Variants in MKLN1 observed in about 807,000 individuals in gnomAD.
MKLN1 encodes the protein muskelin.
A neutral mutation model predicts 99.0 loss-of-function variants in MKLN1; 18 were observed. The observed-to-expected ratio is 0.18, with a 90% CI of 0.13 to 0.27. The LOEUF (loss-of-function observed/expected upper bound fraction) is 0.27. Ranked by LOEUF, MKLN1 falls within the 10% of genes least tolerant of loss-of-function variation. The pLI is 1.00. For missense variants in MKLN1, 621 were observed against 875.9 expected (o/e 0.71, Z 3.67); for synonymous variants, 288 against 293.2 (o/e 0.98, Z 0.18).
chr7:131,264,596 A>G (rs1025674767), intron 3 of MKLN1, among the ~76,000 whole-genome samples: 4 of 152,196 alleles, frequency 2.6e-5, no homozygotes, highest in African/African-American at 4.8e-5. Flanking sequence ...TACCCACATC[A>G]GGTAAACTCT....
At position 131,417,562 on chromosome 7, in the gene MKLN1, C is replaced by T. The variant is rs1487029479; in HGVS notation, c.847+2852C>T. ...ACTAACTATACGTGGACATTGAGGTCGAAAGGATTTCACCAGATTCAGGTG... is the reference window on the plus strand; with the variant it reads ...ACTAACTATACGTGGACATTGAGGTTGAAAGGATTTCACCAGATTCAGGTG... On this transcript the variant is annotated intron_variant, in intron 8 of 17. Transcript: ENST00000352689. Among the ~76,000 whole-genome samples the T allele has an allele frequency of 2.0e-5, 3 of 152,054 alleles. No individual in the cohort carries two copies. In the East Asian group the frequency reaches 5.8e-4, roughly 29 times the overall value.
chr7:131,443,597 T>C lies in MKLN1; in HGVS notation c.1290T>C (p.Ala430=), dbSNP rs771629806. The change falls in exon 11 of 18, where the codon GCT becomes GCC. Residue 430 remains alanine, a synonymous_variant. Coordinates refer to ENST00000352689, the MANE Select transcript of MKLN1 (RefSeq NM_013255.5). ...ASEPQFSGLF[A]FNCQCQTWKL... ...AACCACAATTCAGTGGCTTGTTTGC[T>C]TTCAACTGTCAATGTCAAACCTGGA... is the stretch of plus-strand genomic sequence containing the variant. The C allele has an allele frequency of 5.6e-6, 9 of 1,614,194 alleles. No individual in the cohort carries two copies. Among genetic ancestry groups the C allele is most frequent in the African/African-American group, 1.3e-5 (1 of 75,062 alleles).
At position 131,167,724 on chromosome 7, in the gene MKLN1, A is replaced by C. The variant is rs182006964; in HGVS notation, c.-297+24783A>C. Among the ~76,000 whole-genome samples, 128 of 152,198 alleles carry C rather than the reference A, an allele frequency of 8.4e-4. 1 individual carries two copies. Among genetic ancestry groups the C allele is most frequent in the African/African-American group, 3.0e-3 (125 of 41,528 alleles). On this transcript the variant is annotated intron_variant, in intron 2 of 7. Coordinates refer to the MKLN1 transcript ENST00000416992. ...GAAAACACACAGAAAAATGTATACTAATGTGATATTTATGATATCAAGAAA... is the reference window on the plus strand; with the variant it reads ...GAAAACACACAGAAAAATGTATACTCATGTGATATTTATGATATCAAGAAA...
chr7:131,322,686 T>G (rs1798805760), intron 3 of MKLN1, among the ~76,000 whole-genome samples: 1 of 149,386 alleles, frequency 6.7e-6, no homozygotes, highest in Non-Finnish European at 1.5e-5. Context: ...TTCTCCTGCC[T>G]CAGCCTCCCG....
intron 2 of MKLN1, among the ~76,000 whole-genome samples, chr7:131,145,703 G>T (rs75586237): frequency 0.01 from 1,532 of 152,364 alleles, 14 homozygotes; most frequent in Non-Finnish European, 0.015. Flanking sequence ...TCCGGCAGAG[G>T]AGAGATTTGA....
chr7:131,487,577 A>G lies in MKLN1; in HGVS notation c.2087-30A>G, dbSNP rs1206110671. Reference sequence around the variant, plus strand: ...TTTTCTGTTACATGTTTTAAACACAATGGATGTTTCTTTGTATCTTCTTCA... The same window carrying G: ...TTTTCTGTTACATGTTTTAAACACAGTGGATGTTTCTTTGTATCTTCTTCA... On this transcript the variant is annotated intron_variant, in intron 17 of 17. Coordinates refer to ENST00000352689, the MANE Select transcript of MKLN1 (RefSeq NM_013255.5). The surrounding 1 kb of genome is among the most constrained non-coding windows in gnomAD (Gnocchi z 4.7). 4 of 1,605,564 alleles carry G rather than the reference A, an allele frequency of 2.5e-6. No individual in the cohort carries two copies. The highest frequency in any genetic ancestry group is 3.4e-6 in the Non-Finnish European group (4 of 1,176,976).
chr7:131,455,820 C>T (rs981648851), intron 12 of MKLN1, among the ~76,000 whole-genome samples: 2 of 151,972 alleles, frequency 1.3e-5, no homozygotes, highest in Non-Finnish European at 1.5e-5. Context: ...CCGAGGCAGG[C>T]GAATCACCTG....
chr7:131,191,650 C>T (rs1233125048), intron 2 of MKLN1, among the ~76,000 whole-genome samples: 1 of 151,708 alleles, frequency 6.6e-6, no homozygotes, highest in African/African-American at 2.4e-5. Context: ...TCTGTGGCAT[C>T]TTCATTTCAG....
chr7:131,434,965 C>T (rs1021952118), intron 9 of MKLN1, among the ~76,000 whole-genome samples: 4 of 152,162 alleles, frequency 2.6e-5, no homozygotes, highest in Admixed American at 2.0e-4. Flanking sequence ...CATATCTAAA[C>T]AGGAGAGTGT....
chr7:131,309,867 AG>A (rs1172925759), intron 3 of MKLN1: 1 of 151,946 alleles, frequency 6.6e-6, no homozygotes, highest in Non-Finnish European at 1.5e-5. Flanking sequence ...CTGGGACTAC[AG>A]GTGCCCGCCA....
intron 2 of MKLN1, among the ~76,000 whole-genome samples, chr7:131,197,961 A>T (rs1796673610): frequency 6.6e-6 from 1 of 152,084 alleles, no homozygotes; most frequent in Non-Finnish European, 1.5e-5. Flanking sequence ...CGGCCTCCTG[A>T]GTAGCTGGGA....
chr7:131,350,357 G>A (rs1272784643), intron 1 of MKLN1, among the ~76,000 whole-genome samples: 1 of 151,864 alleles, frequency 6.6e-6, no homozygotes, highest in Non-Finnish European at 1.5e-5. Flanking sequence ...GCTGCACCTG[G>A]CCTTCGTTAT....
chr7:131,203,132 A>T (rs756968005), intron 3 of MKLN1, among the ~76,000 whole-genome samples: 6 of 152,242 alleles, frequency 3.9e-5, no homozygotes, highest in Non-Finnish European at 7.3e-5. Context: ...TTTGATTCAG[A>T]TATCTAATCA....
At chr7:131,226,907 C>T (rs1797155910) in intron 3 of MKLN1, among the ~76,000 whole-genome samples, 2 of 151,950 alleles carry the variant, frequency 1.3e-5, no homozygotes, top group African/African-American at 4.8e-5. Flanking sequence ...CTTTGTATAC[C>T]TTGTGTACTT....
intron 3 of MKLN1, among the ~76,000 whole-genome samples, chr7:131,220,846 C>G (rs1436060833): frequency 6.6e-6 from 1 of 152,076 alleles, no homozygotes; most frequent in African/African-American, 2.4e-5. Flanking sequence ...CTTTTAGCAA[C>G]AAGGAAGTGG....
chr7:131,176,980 T>C lies in MKLN1; in HGVS notation c.-296-25877T>C, dbSNP rs147341240. 1.5e-4 allele frequency among the ~76,000 whole-genome samples: 23 copies of C among 152,234 alleles called. 1 individual carries two copies. The highest frequency in any genetic ancestry group is 1.5e-3 in the Admixed American group (23 of 15,274). On this transcript the variant is annotated intron_variant, in intron 2 of 7. Transcript: ENST00000416992. ...GCTAGGCTGGGAGGGATGGTAATAA[T>C]GATAAAAGATTAAAATTCTGGCTAT...
intron 3 of MKLN1, among the ~76,000 whole-genome samples, chr7:131,286,232 G>A (rs1798130935): frequency 6.6e-6 from 1 of 152,200 alleles, no homozygotes; most frequent in African/African-American, 2.4e-5. Flanking sequence ...TTACAGGTGT[G>A]AGCCACTGCG....
Position 131,437,920 on chromosome 7 carries a change from A to G in MKLN1, c.1096A>G (p.Ile366Val), listed in dbSNP as rs984891913. ...GAAAAGTGACTTCTATCGTTATGAC[A>G]TTGATACAAACACATGGATGTTACT... The part of the protein sequence containing the change: ...SLKSDFYRYD[I>V]DTNTWMLLSE... Residue 366 changes from isoleucine to valine, a missense_variant, in exon 10 of 18, where the codon ATT becomes GTT. Around this residue, in one of 8 missense-constraint regions of MKLN1, gnomAD observed 361 missense variants for 540.8 expected, o/e 0.67. Transcript: ENST00000352689. 1.2e-6 allele frequency: 2 copies of G among 1,613,900 alleles called. No individual in the cohort carries two copies. Among genetic ancestry groups the G allele is most frequent in the Non-Finnish European group, 1.7e-6 (2 of 1,179,900 alleles).
chr7:131,455,792 T>A (rs1360641894), intron 12 of MKLN1, among the ~76,000 whole-genome samples: 1 of 152,162 alleles, frequency 6.6e-6, no homozygotes, highest in Non-Finnish European at 1.5e-5. Flanking sequence ...TTGCCTGTAA[T>A]CCCAACACTT....
Sources: allele counts gnomAD v4.1 joint callset (sites outside exome capture counted in the v4.1 genomes callset), GRCh38; gene constraint gnomAD v4.1.1; regional missense constraint gnomAD v4.1.1; non-coding constraint Gnocchi (gnomAD v3.1); transcripts MANE v1.5; gene names NCBI Gene and HGNC (gene_info 2026-07-23, HGNC 2026-07-21).